Variants in MME observed in about 807,000 individuals in gnomAD.
The protein encoded by MME is neprilysin.
MME carries 98 observed loss-of-function variants against 113.2 expected under a neutral mutation model. The ratio of observed to expected loss-of-function variants is 0.87; its 90% confidence interval spans 0.74 to 1.02. MME has a LOEUF of 1.02. Ranked by LOEUF, MME falls within the 50% of genes least tolerant of loss-of-function variation. The pLI, the probability that MME is intolerant of heterozygous loss-of-function variation, is 0.00. For missense variants in MME, 836 were observed against 896.0 expected (o/e 0.93, Z 0.86); for synonymous variants, 292 against 300.6 (o/e 0.97, Z 0.30).
chr3:155,063,742 A>G (rs1392875418), intron 1 of MME, among the ~76,000 whole-genome samples: 1 of 141,786 alleles, frequency 7.1e-6, no homozygotes, highest in Non-Finnish European at 1.5e-5. Context: ...CTTCCCCCAA[A>G]TGAGCCTTTT....
upstream of MME, among the ~76,000 whole-genome samples, chr3:155,078,414 A>C (rs1714845170): frequency 6.6e-6 from 1 of 152,128 alleles, no homozygotes; most frequent in African/African-American, 2.4e-5. Flanking sequence ...CCTCTATATT[A>C]ATCGAATTAT....
chr3:155,150,701 ACCAC>A (rs1044653215), intron 16 of MME, among the ~76,000 whole-genome samples: 1 of 152,154 alleles, frequency 6.6e-6, no homozygotes, highest in African/African-American at 2.4e-5. Context: ...CTTTTTAAGT[ACCAC>A]CCACCAAGTG....
rs201701288 is a variant in MME at position 155,035,276 on chromosome 3, C to T, written c.-11+10952C>T. Among the ~76,000 whole-genome samples the T allele has an allele frequency of 2.4e-4, 36 of 147,798 alleles. No individual in the cohort carries two copies. The East Asian group carries it at 6.6e-3, about 27-fold the overall frequency. ...TCTATAATATAAATATAAAATATTT[C>T]ATATTTAATGTACTTACCTATAAAG... On this transcript the variant is annotated intron_variant, in intron 1 of 22. Coordinates refer to the MME transcript ENST00000492661.
chr3:155,175,973 C>A (rs1712480529), intron 22 of MME, among the ~76,000 whole-genome samples: 1 of 152,122 alleles, frequency 6.6e-6, no homozygotes, highest in Non-Finnish European at 1.5e-5. Context: ...AACTAGAAAT[C>A]TATTACAGCA....
At chr3:155,064,911 T>A (rs1445858692) in intron 1 of MME, among the ~76,000 whole-genome samples, 1 of 152,162 alleles carries the variant, frequency 6.6e-6, no homozygotes, top group Non-Finnish European at 1.5e-5. Flanking sequence ...TGTAGGTGCA[T>A]CACTCAATCT....
chr3:155,078,045 T>TACACACAC (rs34585642), upstream of MME, among the ~76,000 whole-genome samples: 128 of 139,838 alleles, frequency 9.2e-4, no homozygotes, highest in African/African-American at 3.2e-3. Context: ...AAAGTAAAAG[T>TACACACAC]ACACACACAC....
chr3:155,147,309 A>G (rs1373061991), intron 15 of MME, 85 bp downstream of exon 15: 1 of 837,900 alleles, frequency 1.2e-6, no homozygotes, highest in Non-Finnish European at 2.1e-6. Flanking sequence ...GCCTGAAATT[A>G]TATGAAGTAG....
At chr3:155,160,054 T>C (rs1340260045) in intron 16 of MME, among the ~76,000 whole-genome samples, 2 of 151,998 alleles carry the variant, frequency 1.3e-5, no homozygotes, top group Admixed American at 1.3e-4. Flanking sequence ...TTACCTAGTA[T>C]CAGGAACATA....
At chr3:155,095,636 T>G (rs910819864) in intron 3 of MME, among the ~76,000 whole-genome samples, 1 of 152,084 alleles carries the variant, frequency 6.6e-6, no homozygotes, top group Non-Finnish European at 1.5e-5. Context: ...CGCCTCAGCC[T>G]CCCAAGCAGC....
intron 1 of MME, among the ~76,000 whole-genome samples, chr3:155,042,392 C>T (rs1415540351): frequency 6.6e-6 from 1 of 152,108 alleles, no homozygotes; most frequent in Non-Finnish European, 1.5e-5. Context: ...TTTCCTATGT[C>T]ATGCCCAGTC....
Position 155,140,304 on chromosome 3 carries a change from GT to G in MME, c.957+18del, listed in dbSNP as rs748107121. ...AGATCAATGGGAAGGTAAGTGGTAA[GT>G]TTTTTGTGCTCTCTTATTGTGCCGT... On this transcript the variant is annotated intron_variant, in intron 10 of 22. Transcript: ENST00000360490. 70 of 1,485,298 alleles carry G rather than the reference GT, an allele frequency of 4.7e-5. No individual in the cohort carries two copies. The highest frequency in any genetic ancestry group is 6.0e-5 in the Non-Finnish European group (65 of 1,078,732). The allele number at this position is 1,485,298 out of a possible 1,614,324, so 92.0% of individuals were successfully genotyped here.
chr3:155,153,669 T>C (rs980666504), intron 16 of MME, among the ~76,000 whole-genome samples: 2 of 152,186 alleles, frequency 1.3e-5, no homozygotes, highest in Non-Finnish European at 2.9e-5. Flanking sequence ...CTAGTGTTTG[T>C]GAATCATAAC....
intron 8 of MME, among the ~76,000 whole-genome samples, chr3:155,132,163 C>G (rs964661401): frequency 2.6e-5 from 4 of 152,182 alleles, no homozygotes; most frequent in South Asian, 2.1e-4. Flanking sequence ...TCTGACAGGA[C>G]AGTTTTCTGT....
At chr3:155,058,724 A>C (rs1714025417) in intron 1 of MME, among the ~76,000 whole-genome samples, 1 of 152,222 alleles carries the variant, frequency 6.6e-6, no homozygotes, top group African/African-American at 2.4e-5. Context: ...TCACCAGGAA[A>C]GGATTGAAAA....
chr3:155,037,550 G>A (rs1188402341), intron 1 of MME, among the ~76,000 whole-genome samples: 3 of 152,240 alleles, frequency 2.0e-5, no homozygotes, highest in East Asian at 1.9e-4. Flanking sequence ...CACAGAGAAC[G>A]GGGGTAGGAA....
At chr3:155,171,917 T>G (rs146360200) in intron 20 of MME, among the ~76,000 whole-genome samples, 200 bp from the exon 21 acceptor site, 7 of 152,302 alleles carry the variant, frequency 4.6e-5, no homozygotes, top group African/African-American at 7.2e-5. Context: ...TTCAGTAGCT[T>G]CTTCTTTTCA....
chr3:155,068,130 A>T (rs1714446647), intron 1 of MME, among the ~76,000 whole-genome samples: 2 of 152,268 alleles, frequency 1.3e-5, no homozygotes, highest in Admixed American at 6.5e-5. Flanking sequence ...TACTATGTGA[A>T]TGAATATCAG....
In MME at chr3:155,144,383, C is replaced by T. The variant is rs149905705; in HGVS notation, c.1342C>T (p.Arg448Ter). ...GGTCGAGGATTTGATTGCACAGATCCGAGAAGTTTTTATTCAGACTTTAGA... is the reference window on the plus strand; with the variant it reads ...GGTCGAGGATTTGATTGCACAGATCTGAGAAGTTTTTATTCAGACTTTAGA... ...HVVEDLIAQI[R>*]EVFIQTLDDL... Residue 448 changes from arginine to a stop codon, truncating the protein, a stop_gained, in exon 14 of 23, where the codon CGA becomes TGA. Coordinates refer to ENST00000360490, the MANE Select transcript of MME (RefSeq NM_007289.4). LOFTEE classifies it high-confidence loss of function. 115 of 1,612,384 alleles carry T rather than the reference C, an allele frequency of 7.1e-5. No individual in the cohort carries two copies. Among genetic ancestry groups the T allele is most frequent in the Admixed American group, 2.7e-4 (16 of 59,900 alleles).
Position 155,180,754 on chromosome 3 carries a change from G to A in MME, c.*295G>A. 1 of 352,146 alleles carries A rather than the reference G, an allele frequency of 2.8e-6. No individual in the cohort carries two copies. Among genetic ancestry groups the A allele is most frequent in the Non-Finnish European group, 5.5e-6 (1 of 183,334 alleles). The allele number at this position is 352,146 out of a possible 1,614,324, so 21.8% of individuals were successfully genotyped here. ...TTCTCATATGGTCTACCAGTTTGCT[G>A]ATGTCCCTAGAAAACAATGCAAAAC... is the stretch of plus-strand genomic sequence containing the variant. On this transcript the variant is annotated 3_prime_UTR_variant, in exon 23 of 23. Transcript: ENST00000360490.
Sources: gnomAD v4.1 joint callset for allele counts (sites outside exome capture counted in the v4.1 genomes callset) on GRCh38, gnomAD v4.1.1 for gene constraint, MANE v1.5 for transcripts, NCBI Gene and HGNC (gene_info 2026-07-23, HGNC 2026-07-21) for gene names.